Variants in RBFOX2 observed in about 807,000 individuals in gnomAD.
RBFOX2 encodes RNA binding fox-1 homolog 2.
A neutral mutation model predicts 49.1 loss-of-function variants in RBFOX2; 10 were observed. The ratio of observed to expected loss-of-function variants is 0.20; its 90% CI spans 0.13 to 0.35. The LOEUF (loss-of-function observed/expected upper bound fraction) is 0.35. RBFOX2 is among the 10% of genes least tolerant of loss of function. The pLI, the probability that RBFOX2 is intolerant of heterozygous loss-of-function variation, is 1.00. For synonymous variants in RBFOX2, 183 were observed against 187.4 expected, an observed-to-expected ratio of 0.98 and a Z score of 0.19; for missense variants, 323 against 486.9, an observed-to-expected ratio of 0.66 and a Z score of 3.17.
At chr22:35,999,722 G>A (rs1569521253) in intron 1 of RBFOX2, 1 of 151,874 alleles carries the variant, frequency 6.6e-6, no homozygotes, top group East Asian at 1.9e-4. Context: ...ATGTTCATGG[G>A]GGAAAAAAGA....
intron 1 of RBFOX2, among the ~76,000 whole-genome samples, chr22:35,987,995 A>G (rs1028836040): frequency 1.5e-4 from 23 of 152,334 alleles, no homozygotes; most frequent in African/African-American, 4.8e-4. Context: ...TTGGGGCAAC[A>G]GTATTTTTCT....
At chr22:35,820,132 A>T (rs989769994) in intron 1 of RBFOX2, among the ~76,000 whole-genome samples, 2 of 152,118 alleles carry the variant, frequency 1.3e-5, no homozygotes, top group African/African-American at 4.8e-5. Context: ...GTTGATAGAA[A>T]TCCTGTAAAG....
chr22:36,025,691 T>C (rs944926600), intron 1 of RBFOX2, among the ~76,000 whole-genome samples: 7 of 152,232 alleles, frequency 4.6e-5, no homozygotes, highest in African/African-American at 1.2e-4. Context: ...ATAGATTGCA[T>C]GCACCTTAAG....
chr22:35,946,082 A>G (rs1287340076), intron 1 of RBFOX2, among the ~76,000 whole-genome samples: 2 of 152,110 alleles, frequency 1.3e-5, no homozygotes, highest in African/African-American at 2.4e-5. Context: ...GTTCTTGAAG[A>G]TTATCTTTGA....
At chr22:35,760,484 TTA>T (rs1437867133) in intron 8 of RBFOX2, among the ~76,000 whole-genome samples, 6 of 152,248 alleles carry the variant, frequency 3.9e-5, no homozygotes, top group Admixed American at 3.9e-4. Flanking sequence ...AACATTCTTT[TTA>T]TATTTTTACA....
intron 1 of RBFOX2, among the ~76,000 whole-genome samples, chr22:35,957,283 G>A (rs554534136): frequency 3.8e-4 from 58 of 152,164 alleles, no homozygotes; most frequent in African/African-American, 1.3e-3. Context: ...TAATGGGGTG[G>A]CCCTGTTAAC....
chr22:35,918,882 A>T (rs2050717832), intron 1 of RBFOX2, among the ~76,000 whole-genome samples: 1 of 152,212 alleles, frequency 6.6e-6, no homozygotes, highest in South Asian at 2.1e-4. Flanking sequence ...TGGTTTTCAT[A>T]GTAGTCACCT....
At chr22:35,802,250 C>T (rs538248237) in intron 2 of RBFOX2, among the ~76,000 whole-genome samples, 54 of 152,092 alleles carry the variant, frequency 3.6e-4, no homozygotes, top group African/African-American at 1.2e-3. Flanking sequence ...AAAAGAGAAA[C>T]AGAAATGGGC....
chr22:35,849,294 CACAA>C lies in RBFOX2; in HGVS notation c.-33-39294_-33-39291del, dbSNP rs1311412312. On this transcript the variant is annotated intron_variant, in intron 1 of 13. Transcript: ENST00000359369. ...CAAAACACACACACACACATACACACACAAACACACACACACACACACACACACA... is the reference window on the plus strand; with the variant it reads ...CAAAACACACACACACACATACACACACACACACACACACACACACACACA... Among the ~76,000 whole-genome samples, 304 of 116,626 alleles carry C rather than the reference CACAA, an allele frequency of 2.6e-3. 2 individuals are homozygous for C. The highest frequency in any genetic ancestry group is 0.016 in the African/African-American group (286 of 17,560). 76.5% of individuals were successfully genotyped at this position (116,626 alleles called of 152,430 possible). A position where few individuals can be genotyped will look rare whatever the true frequency, so the allele number is the denominator to read the frequency against.
chr22:35,882,364 C>T (rs1321641789), intron 1 of RBFOX2, among the ~76,000 whole-genome samples: 1 of 152,034 alleles, frequency 6.6e-6, no homozygotes, highest in Non-Finnish European at 1.5e-5. Context: ...GGACTAGAGC[C>T]CTTTCAGTGG....
At chr22:36,028,175 G>A (rs1418034617) in intron 1 of RBFOX2, 65 bp downstream of exon 1, 3 of 1,385,436 alleles carry the variant, frequency 2.2e-6, no homozygotes, top group Non-Finnish European at 2.8e-6. Flanking sequence ...TCCAAGCCGG[G>A]GAGCCCGGTG....
chr22:35,897,566 T>C lies in RBFOX2; in HGVS notation c.-34+41281A>G, dbSNP rs137871377. The C allele has an allele frequency of 3.4e-4, 305 of 908,784 alleles. 3 individuals are homozygous for C. In the African/African-American group the frequency reaches 4.3e-3, roughly 13 times the overall value. 56.3% of individuals were successfully genotyped at this position (908,784 alleles called of 1,614,324 possible). A position where few individuals can be genotyped will look rare whatever the true frequency, so the allele number is the denominator to read the frequency against. On this transcript the variant is annotated intron_variant, in intron 1 of 13. Coordinates refer to the RBFOX2 transcript ENST00000359369. ...CCTTTGCTGTGAGCCACAGCAAAGA[T>C]GTACTTCACCAGGTCAAAGAGGAGA... is the stretch of plus-strand genomic sequence containing the variant.
At chr22:35,761,662 G>A (rs1046859635) in intron 6 of RBFOX2, among the ~76,000 whole-genome samples, 194 bp from the exon 8 acceptor site, 1 of 152,118 alleles carries the variant, frequency 6.6e-6, no homozygotes, top group Non-Finnish European at 1.5e-5. Flanking sequence ...GATAATGAGG[G>A]GCTGGGGCTG....
At chr22:35,973,157 G>C (rs964917404) in intron 1 of RBFOX2, among the ~76,000 whole-genome samples, 4 of 152,140 alleles carry the variant, frequency 2.6e-5, no homozygotes, top group Non-Finnish European at 5.9e-5. Flanking sequence ...ATAATGATGA[G>C]GTAATTATAA....
At chr22:35,990,016 T>C (rs1569519790) in intron 1 of RBFOX2, among the ~76,000 whole-genome samples, 1 of 152,060 alleles carries the variant, frequency 6.6e-6, no homozygotes, top group Non-Finnish European at 1.5e-5. Flanking sequence ...ACCCCAACTC[T>C]ACTAAAAATA....
At chr22:35,839,552 C>T (rs1192976154) in intron 1 of RBFOX2, among the ~76,000 whole-genome samples, 1 of 152,156 alleles carries the variant, frequency 6.6e-6, no homozygotes, top group Non-Finnish European at 1.5e-5. Flanking sequence ...ATTTTAAAGC[C>T]TGTGTGATTG....
chr22:35,911,553 C>A (rs1337519319), intron 1 of RBFOX2, among the ~76,000 whole-genome samples: 1 of 152,052 alleles, frequency 6.6e-6, no homozygotes, highest in African/African-American at 2.4e-5. Context: ...GAAAGCTAAT[C>A]AAGGGAGCCA....
rs1569517074 is a variant in RBFOX2, at chr22:35,977,747, T to TATATAG, written c.187-38851_187-38850insCTATAT. Among the ~76,000 whole-genome samples, 188 of 138,792 alleles carry TATATAG rather than the reference T, an allele frequency of 1.4e-3. 5 individuals carry two copies. The highest frequency in any genetic ancestry group is 5.0e-3 in the African/African-American group (184 of 37,078). 91.1% of individuals were successfully genotyped at this position (138,792 alleles called of 152,430 possible). On this transcript the variant is annotated intron_variant, in intron 1 of 13. Transcript: ENST00000438146. ...CTATATATATATATATATATATATATATATATATATATATACATGCACACA... is the reference window on the plus strand; with the variant it reads ...CTATATATATATATATATATATATATATATAGATATATATATATATACATGCACACA...
At position 35,897,643 on chromosome 22, in the gene RBFOX2, T is replaced by C. The variant is rs982501781; in HGVS notation, c.-34+41204A>G. The C allele has an allele frequency of 2.9e-6, 4 of 1,391,288 alleles. No homozygotes were observed. In the African/African-American group the frequency reaches 5.7e-5, roughly 20 times the overall value. 86.2% of individuals were successfully genotyped at this position (1,391,288 alleles called of 1,614,324 possible). ...GGTTTTCCCATTGGCATCAGGATCC[T>C]TAACTGCATTAACAATTCCTTTGGA... On this transcript the variant is annotated intron_variant, in intron 1 of 13. Transcript: ENST00000359369.
Sources: gnomAD v4.1 joint callset for allele counts (sites outside exome capture counted in the v4.1 genomes callset) on GRCh38, gnomAD v4.1.1 for gene constraint, MANE v1.5 for transcripts, NCBI Gene and HGNC (gene_info 2026-07-23, HGNC 2026-07-21) for gene names.